ATXN7L1: variants seen among roughly 807,000 people sequenced by gnomAD.
ATXN7L1 encodes the protein ataxin 7 like 1, also known as ataxin-7-like protein 1.
Under a neutral mutation model 70.8 loss-of-function variants are expected in ATXN7L1, and 15 were observed. The ratio of observed to expected loss-of-function variants is 0.21; its 90% confidence interval spans 0.14 to 0.33. The LOEUF is 0.33. Ranked by LOEUF, ATXN7L1 falls within the 10% of genes least tolerant of loss-of-function variation. ATXN7L1 has a pLI of 1.00. For synonymous variants in ATXN7L1, 440 were observed against 445.1 expected, an observed-to-expected ratio of 0.99 and a Z score of 0.14; for missense variants, 975 against 1,097.1, an observed-to-expected ratio of 0.89 and a Z score of 1.57.
At chr7:105,791,382 T>A (rs761225226) in intron 2 of ATXN7L1, among the ~76,000 whole-genome samples, 8 of 152,064 alleles carry the variant, frequency 5.3e-5, no homozygotes, top group Non-Finnish European at 1.0e-4. Context: ...CAGGGCCTGG[T>A]AGGCAGGCGG....
chr7:105,827,587 C>G (rs1563125563), intron 2 of ATXN7L1, among the ~76,000 whole-genome samples: 1 of 152,146 alleles, frequency 6.6e-6, no homozygotes, highest in Non-Finnish European at 1.5e-5. Context: ...GCACAGAAGG[C>G]TGACTTTTCA....
At chr7:105,664,598 AG>A in intron 4 of ATXN7L1, among the ~76,000 whole-genome samples, 1 of 125,696 alleles carries the variant, frequency 8.0e-6, no homozygotes, top group South Asian at 2.6e-4. Flanking sequence ...TTTGAGACAG[AG>A]TTTCACTGTC....
chr7:105,668,560 T>A (rs1803014513), intron 3 of ATXN7L1, among the ~76,000 whole-genome samples: 1 of 152,026 alleles, frequency 6.6e-6, no homozygotes, highest in Non-Finnish European at 1.5e-5. Flanking sequence ...TAGCTGGGAT[T>A]ATAGGCATGC....
intron 3 of ATXN7L1, among the ~76,000 whole-genome samples, chr7:105,715,482 T>C (rs912708480): frequency 8.5e-5 from 13 of 152,262 alleles, no homozygotes; most frequent in Admixed American, 6.5e-4. Context: ...GAATCTTGAA[T>C]TCCTTTGGCT....
At chr7:105,839,269 T>G (rs1812856509) in intron 2 of ATXN7L1, among the ~76,000 whole-genome samples, 1 of 150,752 alleles carries the variant, frequency 6.6e-6, no homozygotes, top group Non-Finnish European at 1.5e-5. Context: ...GCACTTAAAA[T>G]GAAAATCAAA....
chr7:105,790,654 C>CTCCT (rs71155479), intron 2 of ATXN7L1, among the ~76,000 whole-genome samples: 5 of 104,890 alleles, frequency 4.8e-5, no homozygotes, highest in African/African-American at 1.9e-4. Context: ...ATCTATCTAT[C>CTCCT]ATCTATCTAC....
At chr7:105,750,595 C>T (rs1467278881) in intron 3 of ATXN7L1, among the ~76,000 whole-genome samples, 1 of 148,096 alleles carries the variant, frequency 6.8e-6, no homozygotes, top group African/African-American at 2.4e-5. Flanking sequence ...TGAGGTCAGG[C>T]GTTCGAGACC....
intron 3 of ATXN7L1, among the ~76,000 whole-genome samples, chr7:105,738,331 C>T (rs992470382): frequency 7.9e-5 from 12 of 152,202 alleles, no homozygotes; most frequent in Middle Eastern, 3.2e-3. Context: ...GTCTTTCTGC[C>T]TTTGCCCATG....
intron 4 of ATXN7L1, chr7:105,649,317 T>C (rs1584509458): frequency 1.0e-6 from 1 of 964,034 alleles, no homozygotes; most frequent in Non-Finnish European, 1.2e-6. Flanking sequence ...CTCCTCATCA[T>C]CTCTGTACCT....
intron 2 of ATXN7L1, among the ~76,000 whole-genome samples, chr7:105,858,610 T>C (rs1183498881): frequency 6.6e-6 from 1 of 152,192 alleles, no homozygotes; most frequent in African/African-American, 2.4e-5. Context: ...TGGGCAGCAG[T>C]GGTCACCACC....
chr7:105,783,653 G>C (rs1264082805), intron 3 of ATXN7L1, among the ~76,000 whole-genome samples: 2 of 152,152 alleles, frequency 1.3e-5, no homozygotes, highest in African/African-American at 4.8e-5. Flanking sequence ...TCCACACAGG[G>C]ACAGACGCTC....
At chr7:105,735,186 A>G (rs1797245208) in intron 3 of ATXN7L1, among the ~76,000 whole-genome samples, 1 of 152,166 alleles carries the variant, frequency 6.6e-6, no homozygotes, top group Non-Finnish European at 1.5e-5. Flanking sequence ...CTATAATAAC[A>G]ACATCTACAA....
intron 2 of ATXN7L1, among the ~76,000 whole-genome samples, chr7:105,799,953 CT>C (rs1292843573): frequency 1.3e-5 from 2 of 152,136 alleles, no homozygotes; most frequent in African/African-American, 4.8e-5. Flanking sequence ...CAGAAATAAA[CT>C]TTTGCTGTAA....
chr7:105,624,802 C>T (rs1334129674), intron 7 of ATXN7L1, among the ~76,000 whole-genome samples: 1 of 152,188 alleles, frequency 6.6e-6, no homozygotes, highest in Non-Finnish European at 1.5e-5. Flanking sequence ...TTCTGCCCCA[C>T]TTGTTGTCCC....
intron 3 of ATXN7L1, among the ~76,000 whole-genome samples, chr7:105,756,775 T>C (rs1009058998): frequency 6.6e-6 from 1 of 152,180 alleles, no homozygotes; most frequent in African/African-American, 2.4e-5. Flanking sequence ...GATCAAATAT[T>C]GGCTAATAAA....
rs941583020 is a variant in ATXN7L1 at position 105,646,632 on chromosome 7, G to T, written c.579-3511C>A. Among the ~76,000 whole-genome samples the T allele has an allele frequency of 5.3e-5, 8 of 152,120 alleles. No individual in the cohort carries two copies. In the East Asian group the frequency reaches 9.7e-4, roughly 18 times the overall value. On this transcript the variant is annotated intron_variant, in intron 4 of 11. Coordinates refer to ENST00000419735, the MANE Select transcript of ATXN7L1 (RefSeq NM_020725.2). ...GGGGTTTCACCATGTTGGCCAGGCTGGTCTCAAACTCGTGACCTCAGGTGA... is the reference window on the plus strand; with the variant it reads ...GGGGTTTCACCATGTTGGCCAGGCTTGTCTCAAACTCGTGACCTCAGGTGA...
intron 2 of ATXN7L1, among the ~76,000 whole-genome samples, chr7:105,850,504 G>A (rs1175301628): frequency 3.3e-5 from 5 of 152,208 alleles, no homozygotes; most frequent in African/African-American, 1.2e-4. Flanking sequence ...AACCCTATGA[G>A]CTACCTGTGA....
chr7:105,687,697 G>A (rs1203113060), intron 3 of ATXN7L1, among the ~76,000 whole-genome samples: 1 of 152,176 alleles, frequency 6.6e-6, no homozygotes, highest in African/African-American at 2.4e-5. Flanking sequence ...AACCATGCAA[G>A]TTCACTAGAT....
At chr7:105,692,428 C>CCCTCCCTCCCTCCTTCCTTCCTT (rs1791107718) in intron 3 of ATXN7L1, among the ~76,000 whole-genome samples, 2 of 53,758 alleles carry the variant, frequency 3.7e-5, no homozygotes, top group South Asian at 7.7e-4. Flanking sequence ...CTTCCTTCCT[C>CCCTCCCTCCCTCCTTCCTTCCTT]CCTCCCTCCC....
Sources: allele counts gnomAD v4.1 joint callset (sites outside exome capture counted in the v4.1 genomes callset), GRCh38; gene constraint gnomAD v4.1.1; transcripts MANE v1.5; gene names NCBI Gene and HGNC (gene_info 2026-07-23, HGNC 2026-07-21).